Variants in SH2D4B observed in about 807,000 individuals in gnomAD.
SH2D4B encodes SH2 domain containing 4B.
Under a neutral mutation model 61.5 loss-of-function variants are expected in SH2D4B, and 45 were observed. That is an observed-to-expected ratio of 0.73 (90% CI 0.58 to 0.94). The LOEUF is 0.94. Ranked by LOEUF, SH2D4B falls within the 40% of genes least tolerant of loss-of-function variation. The pLI, the probability that SH2D4B is intolerant of heterozygous loss-of-function variation, is 0.00. For missense variants in SH2D4B, 572 were observed against 574.2 expected (o/e 1.00, Z 0.04); for synonymous variants, 224 against 220.4 (o/e 1.02, Z -0.14).
At chr10:80,634,255 G>T (rs1554818665) in intron 6 of SH2D4B, 30 bp from the exon 7 acceptor site, 3 of 1,482,870 alleles carry the variant, frequency 2.0e-6, no homozygotes, top group Non-Finnish European at 2.7e-6. Context: ...AACCTGCTGT[G>T]TTTTTTTGTT....
At chr10:80,559,417 A>C (rs534815735) in intron 1 of SH2D4B, among the ~76,000 whole-genome samples, 44 of 152,278 alleles carry the variant, frequency 2.9e-4, no homozygotes, top group Non-Finnish European at 5.9e-4. Context: ...GTTTTTATTT[A>C]AACAATTCAG....
chr10:80,551,346 G>A (rs142492152), intron 1 of SH2D4B, among the ~76,000 whole-genome samples: 2,209 of 152,190 alleles, frequency 0.015, 49 homozygotes, highest in African/African-American at 0.05. Context: ...GAGCCACCGC[G>A]CCTGGCCAAC....
intron 1 of SH2D4B, among the ~76,000 whole-genome samples, chr10:80,563,196 C>G (rs900373333): frequency 2.0e-5 from 3 of 152,154 alleles, no homozygotes; most frequent in Non-Finnish European, 4.4e-5. Flanking sequence ...CCACCGCGCC[C>G]GGCCGATGCT....
intron 4 of SH2D4B, among the ~76,000 whole-genome samples, chr10:80,597,512 A>C (rs1842397461): frequency 6.6e-6 from 1 of 152,142 alleles, no homozygotes; most frequent in South Asian, 2.1e-4. Flanking sequence ...CTAAAAATAC[A>C]AAAATTAGCC....
intron 1 of SH2D4B, among the ~76,000 whole-genome samples, chr10:80,568,101 T>G (rs1057242656): frequency 6.6e-6 from 1 of 152,072 alleles, no homozygotes; most frequent in Non-Finnish European, 1.5e-5. Flanking sequence ...CTTTTTTTTT[T>G]TTTTGAGACA....
rs747559683 is a variant in SH2D4B at position 80,603,774 on chromosome 10, A to G, written c.839A>G (p.Gln280Arg). The change falls in exon 5 of 8, where the codon CAG (glutamine) becomes CGG (arginine). Residue 280 changes from glutamine to arginine, a missense_variant. By Grantham distance (43) the Gln-to-Arg change is conservative (BLOSUM62 1). Transcript: ENST00000646907. ...CACCTCCCCGACCCGGGTCTGCCGC[A>G]GCCCCTTGCCCTGCCGGTCAGGTGG... is the stretch of plus-strand genomic sequence containing the variant. ...YHHLPDPGLP[Q>R]PLALPVSRTW... 3.1e-6 allele frequency: 5 copies of G among 1,610,540 alleles called. No individual in the cohort carries two copies. The highest frequency in any genetic ancestry group is 1.1e-5 in the South Asian group (1 of 90,690).
In SH2D4B at chr10:80,588,829, A is replaced by C. The variant is rs964854433; in HGVS notation, c.643+52A>C. On this transcript the variant is annotated intron_variant, in intron 4 of 7. Transcript: ENST00000646907. The stretch of plus-strand genomic sequence containing the variant: ...GGAGACCAGTCCCGCCTCCCCACCC[A>C]CCTCCTCCCAATGCTGATGTACTCA... 16 of 1,601,358 alleles carry C rather than the reference A, an allele frequency of 1.0e-5. No homozygotes were observed. The African/African-American group carries it at 1.7e-4, about 18-fold the overall frequency.
chr10:80,591,078 T>A (rs954095228), intron 4 of SH2D4B, among the ~76,000 whole-genome samples: 1 of 151,718 alleles, frequency 6.6e-6, no homozygotes, highest in African/African-American at 2.4e-5. Context: ...ATTCCTTCCT[T>A]CCATTTTATG....
chr10:80,615,970 G>T (rs1164475030), intron 6 of SH2D4B, among the ~76,000 whole-genome samples: 1 of 152,172 alleles, frequency 6.6e-6, no homozygotes, highest in South Asian at 2.1e-4. Flanking sequence ...AGACAAACAT[G>T]GTGGCACATC....
intron 3 of SH2D4B, among the ~76,000 whole-genome samples, chr10:80,587,071 A>C (rs12266971): frequency 6.9e-6 from 1 of 145,026 alleles, no homozygotes; most frequent in Non-Finnish European, 1.5e-5. Context: ...ACTCACCTCG[A>C]GGGTCCGCGG....
intron 3 of SH2D4B, among the ~76,000 whole-genome samples, chr10:80,577,688 A>G (rs1842142191): frequency 6.6e-6 from 1 of 151,590 alleles, no homozygotes; most frequent in African/African-American, 2.4e-5. Flanking sequence ...AGCCTCCCAA[A>G]GCGCCGGGAT....
At chr10:80,572,948 A>C (rs1291908724) in intron 3 of SH2D4B, among the ~76,000 whole-genome samples, 1 of 3,324 alleles carries the variant, frequency 3.0e-4, no homozygotes, top group Non-Finnish European at 4.9e-4. Flanking sequence ...TGTTGCAAAT[A>C]TATATATATA....
At position 80,603,582 on chromosome 10, in the gene SH2D4B, G is replaced by A. The variant is rs771907480; in HGVS notation, c.647G>A (p.Arg216His). ...CGTGCTGTCTTCCTCTTTCCAGTGCGCCGGTCCAAGGCGGCTGATGAGGAG... is the reference window on the plus strand; with the variant it reads ...CGTGCTGTCTTCCTCTTTCCAGTGCACCGGTCCAAGGCGGCTGATGAGGAG... ...KEEREWEEQL[R>H]RSKAADEERS... is the part of the protein sequence containing the mutation. Residue 216 changes from arginine to histidine, a missense_variant, in exon 5 of 8, where the codon CGC becomes CAC. Transcript: ENST00000646907. 1.2e-5 allele frequency: 19 copies of A among 1,547,670 alleles called. No homozygotes were observed. Among genetic ancestry groups the A allele is most frequent in the Middle Eastern group, 2.0e-4 (1 of 4,880 alleles).
In SH2D4B at chr10:80,588,616, C is replaced by CT. The variant is rs769691131; in HGVS notation, c.496-14_496-13insT. The CT allele has an allele frequency of 6.2e-7, 1 of 1,613,354 alleles. No individual in the cohort carries two copies. Among genetic ancestry groups the CT allele is most frequent in the Non-Finnish European group, 8.5e-7 (1 of 1,179,892 alleles). On this transcript the variant is annotated splice_polypyrimidine_tract_variant and intron_variant, in intron 3 of 7. Coordinates refer to ENST00000646907, the MANE Select transcript of SH2D4B (RefSeq NM_001388272.1). ...GTGGTCATCTCGTGTTGTTCTGTTC[C>CT]CATGACATTTTAGAGGAAAGAGGAA...
intron 6 of SH2D4B, among the ~76,000 whole-genome samples, chr10:80,614,057 C>A (rs1589358090): frequency 6.6e-6 from 1 of 152,276 alleles, no homozygotes; most frequent in East Asian, 1.9e-4. Flanking sequence ...AGGAACAGAA[C>A]CACCCCCTCA....
At chr10:80,567,038 C>T (rs978192532) in intron 1 of SH2D4B, among the ~76,000 whole-genome samples, 4 of 152,198 alleles carry the variant, frequency 2.6e-5, no homozygotes, top group African/African-American at 9.7e-5. Context: ...TATTACTTAA[C>T]TATTTCACAG....
chr10:80,596,257 A>T (rs374489251), intron 4 of SH2D4B, among the ~76,000 whole-genome samples: 1 of 152,202 alleles, frequency 6.6e-6, no homozygotes, highest in East Asian at 1.9e-4. Context: ...ATGCCCATTC[A>T]CACATGGGTT....
intron 4 of SH2D4B, among the ~76,000 whole-genome samples, chr10:80,592,831 T>TTCAG (rs113662893): frequency 3.3e-5 from 5 of 151,926 alleles, no homozygotes; most frequent in African/African-American, 1.2e-4. Context: ...ATCCTCCCAT[T>TTCAG]TCAGCATCCT....
chr10:80,603,783 C>G lies in SH2D4B; in HGVS notation c.848C>G (p.Ala283Gly), dbSNP rs1438576295. The G allele has an allele frequency of 6.2e-7, 1 of 1,609,568 alleles. No homozygotes were observed. Among genetic ancestry groups the G allele is most frequent in the East Asian group, 2.2e-5 (1 of 44,786 alleles). Residue 283 changes from alanine (A) to glycine (G), a missense_variant, in exon 5 of 8, where the codon GCC becomes GGC. By Grantham distance (60) the Ala-to-Gly change is moderately conservative (BLOSUM62 0). Coordinates refer to ENST00000646907, the MANE Select transcript of SH2D4B (RefSeq NM_001388272.1). ...GACCCGGGTCTGCCGCAGCCCCTTGCCCTGCCGGTCAGGTGGGTCCAGGCT... is the reference window on the plus strand; with the variant it reads ...GACCCGGGTCTGCCGCAGCCCCTTGGCCTGCCGGTCAGGTGGGTCCAGGCT... ...LPDPGLPQPL[A>G]LPVSRTWERP...
Sources: gnomAD v4.1 joint callset for allele counts (sites outside exome capture counted in the v4.1 genomes callset) on GRCh38, gnomAD v4.1.1 for gene constraint, MANE v1.5 for transcripts, NCBI Gene and HGNC (gene_info 2026-07-23, HGNC 2026-07-21) for gene names.